The following SLC17A4 variants were observed in gnomAD, a reference collection of about 807,000 sequenced individuals.
The protein encoded by SLC17A4 is probable small intestine urate exporter.
In SLC17A4, 33 loss-of-function variants were observed where a neutral mutation model predicts 52.5. That is an observed-to-expected ratio of 0.63 (90% CI 0.48 to 0.84). SLC17A4 has a LOEUF of 0.84. Among genes scored for constraint, SLC17A4 ranks in the 40% least tolerant of loss-of-function variants. SLC17A4 has a pLI of 0.00. For missense variants in SLC17A4, 585 were observed against 597.1 expected (o/e 0.98, Z 0.21); for synonymous variants, 225 against 216.2 (o/e 1.04, Z -0.36).
At chr6:25,759,037 C>T (rs989168614) in intron 1 of SLC17A4, among the ~76,000 whole-genome samples, 1 of 152,074 alleles carries the variant, frequency 6.6e-6, no homozygotes, top group Non-Finnish European at 1.5e-5. Flanking sequence ...TAATTTTCAT[C>T]TTGATTTCAT....
chr6:25,762,088 A>G, intron 2 of SLC17A4, 35 bp downstream of exon 2: 7 of 1,575,918 alleles, frequency 4.4e-6, no homozygotes, highest in Non-Finnish European at 6.1e-6. Flanking sequence ...TAGTAAATAA[A>G]ACTAGGATCT....
At chr6:25,767,582 T>C (rs1040550294) in intron 2 of SLC17A4, among the ~76,000 whole-genome samples, 2 of 152,170 alleles carry the variant, frequency 1.3e-5, no homozygotes, top group Non-Finnish European at 2.9e-5. Flanking sequence ...ATAAAACTTA[T>C]GTATCCCCAT....
intron 5 of SLC17A4, 53 bp from the exon 6 acceptor site, chr6:25,770,873 A>G: frequency 7.2e-7 from 1 of 1,386,374 alleles, no homozygotes; most frequent in South Asian, 1.2e-5. Context: ...GAAAGCACAT[A>G]GAGCCCCAAG....
In SLC17A4 at chr6:25,773,664, A is replaced by G. The variant is rs1360978917; in HGVS notation, c.977A>G (p.Asn326Ser). 6 of 1,613,296 alleles carry G rather than the reference A, an allele frequency of 3.7e-6. No homozygotes were observed. The highest frequency in any genetic ancestry group is 5.1e-6 in the Non-Finnish European group (6 of 1,179,624). ...TACATCAGCTCGGTACTTCAAGCCA[A>G]CCTCAGAGATGTAAGTACAGAGAAA... Reference protein sequence around the residue: ...PTYISSVLQANLRDSGILSAL... With the variant: ...PTYISSVLQASLRDSGILSAL... Residue 326 changes from asparagine (N) to serine (S), a missense_variant, in exon 8 of 12, where the codon AAC becomes AGC. Asn to Ser is a conservative substitution (Grantham distance 46, BLOSUM62 1). Transcript: ENST00000377905.
At chr6:25,756,965 AATG>A (rs1466408168) in intron 1 of SLC17A4, among the ~76,000 whole-genome samples, 1 of 152,200 alleles carries the variant, frequency 6.6e-6, no homozygotes, top group Non-Finnish European at 1.5e-5. Flanking sequence ...TGTGAAAATA[AATG>A]ATAAGCAAAT....
chr6:25,764,436 A>G (rs1271307791), intron 2 of SLC17A4, among the ~76,000 whole-genome samples: 1 of 152,226 alleles, frequency 6.6e-6, no homozygotes, highest in Non-Finnish European at 1.5e-5. Flanking sequence ...AGCCATGGAA[A>G]TGAATAAAAC....
chr6:25,777,602 A>G, intron 10 of SLC17A4: 2 of 211,040 alleles, frequency 9.5e-6, no homozygotes, highest in East Asian at 1.1e-4. Context: ...AACAACAACA[A>G]CAACAAAAAC....
intron 1 of SLC17A4, among the ~76,000 whole-genome samples, chr6:25,760,415 T>A (rs1178386358): frequency 6.6e-6 from 1 of 152,186 alleles, no homozygotes; most frequent in East Asian, 1.9e-4. Flanking sequence ...GCTCTTTTTG[T>A]GTCCTGCAGT....
intron 10 of SLC17A4, 176 bp from the exon 11 acceptor site, chr6:25,777,750 G>T (rs913099380): frequency 1.2e-5 from 7 of 582,492 alleles, no homozygotes; most frequent in African/African-American, 1.1e-4. Context: ...TTTCATTCAG[G>T]TTTCACCAAG....
intron 2 of SLC17A4, among the ~76,000 whole-genome samples, 193 bp from the exon 3 acceptor site, chr6:25,768,792 A>C (rs1237112985): frequency 6.6e-6 from 1 of 152,174 alleles, no homozygotes; most frequent in East Asian, 1.9e-4. Flanking sequence ...GTCTCTGAGA[A>C]ATGTTTCTGA....
At chr6:25,756,693 T>G (rs1419455853) in intron 1 of SLC17A4, among the ~76,000 whole-genome samples, 1 of 152,142 alleles carries the variant, frequency 6.6e-6, no homozygotes, top group Non-Finnish European at 1.5e-5. Flanking sequence ...TTATAATAAG[T>G]AAAAGGAGAG....
chr6:25,764,574 A>T (rs562891601), intron 2 of SLC17A4, among the ~76,000 whole-genome samples: 8 of 152,260 alleles, frequency 5.3e-5, no homozygotes, highest in Admixed American at 1.3e-4. Context: ...GAGAGGAGCC[A>T]AGAGCTCATA....
chr6:25,762,298 GA>G (rs1290985341), intron 2 of SLC17A4, among the ~76,000 whole-genome samples: 1 of 151,924 alleles, frequency 6.6e-6, no homozygotes, highest in Non-Finnish European at 1.5e-5. Flanking sequence ...AGAGATGAAG[GA>G]AAAAAATCAG....
intron 1 of SLC17A4, among the ~76,000 whole-genome samples, chr6:25,760,709 C>T (rs1305356052): frequency 4.6e-5 from 7 of 152,082 alleles, no homozygotes; most frequent in Admixed American, 1.3e-4. Context: ...AGCTCATTAC[C>T]GTTGATTTTG....
intron 2 of SLC17A4, 78 bp downstream of exon 2, chr6:25,762,131 T>A: frequency 7.8e-7 from 1 of 1,287,054 alleles, no homozygotes; most frequent in Non-Finnish European, 1.1e-6. Flanking sequence ...TAAATAAAAC[T>A]AGGATCTGTG....
At position 25,770,251 on chromosome 6, in the gene SLC17A4, C is replaced by T. The variant is rs762155902; in HGVS notation, c.482C>T (p.Ala161Val). The change falls in exon 4 of 12, where the codon GCG becomes GTG. Residue 161 changes from alanine (A) to valine (V), a missense_variant. Transcript: ENST00000377905. ...CTCTTCATTCCACTGGCAGCTAATG[C>T]GGGAGTGGCCTTGCTCATTGTCCTC... is the stretch of plus-strand genomic sequence containing the variant. ...LTLFIPLAAN[A>V]GVALLIVLRI... 3.5e-5 allele frequency: 57 copies of T among 1,613,960 alleles called. No homozygotes were observed. The highest frequency in any genetic ancestry group is 1.0e-4 in the Admixed American group (6 of 59,974).
intron 2 of SLC17A4, among the ~76,000 whole-genome samples, chr6:25,765,920 A>C (rs1761971572): frequency 6.6e-6 from 1 of 152,050 alleles, no homozygotes; most frequent in Non-Finnish European, 1.5e-5. Flanking sequence ...ACTCAAGGCA[A>C]TAAAACAATC....
At chr6:25,758,951 C>T (rs1196241790) in intron 1 of SLC17A4, among the ~76,000 whole-genome samples, 3 of 152,124 alleles carry the variant, frequency 2.0e-5, no homozygotes, top group African/African-American at 7.2e-5. Flanking sequence ...GAACTTTCCT[C>T]TTAGCACCGC....
intron 2 of SLC17A4, among the ~76,000 whole-genome samples, chr6:25,763,967 G>C (rs749226288): frequency 3.3e-5 from 5 of 152,176 alleles, no homozygotes; most frequent in African/African-American, 4.8e-5. Flanking sequence ...TTCCACAAAC[G>C]TTGGAAGGCT....
Sources: allele counts gnomAD v4.1 joint callset (sites outside exome capture counted in the v4.1 genomes callset), GRCh38; gene constraint gnomAD v4.1.1; transcripts MANE v1.5; gene names NCBI Gene and HGNC (gene_info 2026-07-23, HGNC 2026-07-21).